Variants in LRP1B observed in about 807,000 individuals in gnomAD.
The protein encoded by LRP1B is low-density lipoprotein receptor-related protein 1B.
LRP1B carries 217 observed loss-of-function variants against 556.6 expected under a neutral mutation model. That is an observed-to-expected ratio of 0.39 (90% CI 0.35 to 0.44). LRP1B has a LOEUF of 0.44. Ranked by LOEUF, LRP1B falls within the 20% of genes least tolerant of loss-of-function variation. The pLI is 1.00. For missense variants in LRP1B, 5,053 were observed against 5,620.8 expected (o/e 0.90, Z 3.23); for synonymous variants, 2,047 against 1,865.8 (o/e 1.10, Z -2.50).
chr2:141,959,718 T>C (rs978325914), intron 1 of LRP1B, among the ~76,000 whole-genome samples: 4 of 152,006 alleles, frequency 2.6e-5, no homozygotes, highest in Non-Finnish European at 4.4e-5. Flanking sequence ...ATTCATGAGA[T>C]ATTTTACATT....
At chr2:142,047,969 T>C (rs1166913255) in intron 1 of LRP1B, among the ~76,000 whole-genome samples, 1 of 152,070 alleles carries the variant, frequency 6.6e-6, no homozygotes, top group Non-Finnish European at 1.5e-5. Flanking sequence ...TTTTCTACTC[T>C]GAATAATCTA....
chr2:141,192,727 C>T (rs1681572817), intron 6 of LRP1B, among the ~76,000 whole-genome samples: 1 of 151,676 alleles, frequency 6.6e-6, no homozygotes. Flanking sequence ...TCAATATCAT[C>T]TGAAAGTACT....
intron 2 of LRP1B, among the ~76,000 whole-genome samples, chr2:141,567,252 T>A (rs1366543022): frequency 6.6e-6 from 1 of 151,634 alleles, no homozygotes; most frequent in African/African-American, 2.4e-5. Flanking sequence ...CAAATTGCGA[T>A]CATTTTTTTT....
At chr2:140,984,810 T>A (rs1471763775) in intron 17 of LRP1B, among the ~76,000 whole-genome samples, 1 of 152,116 alleles carries the variant, frequency 6.6e-6, no homozygotes, top group African/African-American at 2.4e-5. Flanking sequence ...TGGAGAAAAT[T>A]ATTCACTTAG....
intron 8 of LRP1B, 70 bp downstream of exon 8, chr2:141,061,981 A>C: frequency 1.8e-5 from 21 of 1,198,004 alleles, no homozygotes; most frequent in Non-Finnish European, 2.5e-5. Flanking sequence ...AATTTTCAGT[A>C]TTGCAAATTT....
chr2:140,831,030 T>C (rs1691695991), intron 31 of LRP1B, among the ~76,000 whole-genome samples: 1 of 151,812 alleles, frequency 6.6e-6, no homozygotes, highest in Non-Finnish European at 1.5e-5. Context: ...AAGAAAACAA[T>C]AAACTACTGA....
intron 41 of LRP1B, among the ~76,000 whole-genome samples, chr2:140,640,211 C>G (rs1482603438): frequency 6.8e-6 from 1 of 147,944 alleles, no homozygotes; most frequent in Non-Finnish European, 1.5e-5. Flanking sequence ...TCACTGTGGT[C>G]TCGATCTCCT....
At chr2:140,980,609 A>G (rs1696739617) in intron 18 of LRP1B, among the ~76,000 whole-genome samples, 1 of 152,178 alleles carries the variant, frequency 6.6e-6, no homozygotes, top group Non-Finnish European at 1.5e-5. Flanking sequence ...GTCTAGCACA[A>G]GAAAATTTTA....
chr2:140,598,559 G>A, intron 43 of LRP1B, 72 bp downstream of exon 43: 4 of 1,135,056 alleles, frequency 3.5e-6, no homozygotes, highest in East Asian at 2.4e-5. Context: ...TACATTTTAG[G>A]AGAGTATAAA....
At chr2:140,275,620 G>A (rs1012970976) in intron 84 of LRP1B, among the ~76,000 whole-genome samples, 1 of 151,950 alleles carries the variant, frequency 6.6e-6, no homozygotes, top group Non-Finnish European at 1.5e-5. Flanking sequence ...AACGAGTTAT[G>A]CCTCTCATGG....
At chr2:140,508,143 A>T (rs186406341) in intron 52 of LRP1B, among the ~76,000 whole-genome samples, 17 of 152,092 alleles carry the variant, frequency 1.1e-4, no homozygotes, top group African/African-American at 3.6e-4. Context: ...GTACTTGAAA[A>T]ACTTAGGTGC....
At chr2:141,936,314 C>T (rs917705925) in intron 1 of LRP1B, among the ~76,000 whole-genome samples, 11 of 151,966 alleles carry the variant, frequency 7.2e-5, no homozygotes, top group African/African-American at 1.9e-4. Flanking sequence ...AATGATATGT[C>T]TATGTAGAAA....
At chr2:141,230,562 CT>C (rs1267474490) in intron 5 of LRP1B, among the ~76,000 whole-genome samples, 5 of 152,184 alleles carry the variant, frequency 3.3e-5, no homozygotes, top group Non-Finnish European at 4.4e-5. Flanking sequence ...TTATAATGAT[CT>C]ATTAAACTCT....
chr2:141,654,197 G>C (rs1310228858), intron 2 of LRP1B, among the ~76,000 whole-genome samples: 6 of 152,224 alleles, frequency 3.9e-5, no homozygotes, highest in African/African-American at 1.4e-4. Context: ...AAGGAGAAAA[G>C]GTAAATACGT....
chr2:140,856,738 TACACACACAC>T lies in LRP1B; in HGVS notation c.4580-4965_4580-4956del, dbSNP rs57220779. Among the ~76,000 whole-genome samples, 1,414 of 148,466 alleles carry T rather than the reference TACACACACAC, an allele frequency of 9.5e-3. 13 individuals are homozygous for T. The highest frequency in any genetic ancestry group is 0.029 in the African/African-American group (1,158 of 39,822). On this transcript the variant is annotated intron_variant, in intron 27 of 90. Coordinates refer to ENST00000389484, the MANE Select transcript of LRP1B (RefSeq NM_018557.3). ...ATACGCTGGCGGGAACTAAGAGAGA[TACACACACAC>T]ACACACACACACACACACACACACA...
intron 72 of LRP1B, among the ~76,000 whole-genome samples, chr2:140,361,859 C>T (rs547098547): frequency 2.0e-5 from 3 of 151,666 alleles, no homozygotes; most frequent in African/African-American, 7.2e-5. Flanking sequence ...ATTCAAGCAT[C>T]TAATGCCTAC....
chr2:142,101,930 C>T (rs1292968114), intron 1 of LRP1B, among the ~76,000 whole-genome samples: 1 of 151,944 alleles, frequency 6.6e-6, no homozygotes, highest in African/African-American at 2.4e-5. Flanking sequence ...CTCCCATTGG[C>T]TCTGAGATAG....
chr2:141,161,564 A>T (rs888843250), intron 7 of LRP1B, among the ~76,000 whole-genome samples: 9 of 152,084 alleles, frequency 5.9e-5, no homozygotes, highest in African/African-American at 1.9e-4. Flanking sequence ...ACACTTCCAC[A>T]CCTTTGTAAA....
rs2105294168 is a variant in LRP1B at position 141,229,366 on chromosome 2, T to C, written c.667A>G (p.Lys223Glu). The C allele has an allele frequency of 6.2e-7, 1 of 1,611,454 alleles. No homozygotes were observed. The change falls in exon 6 of 91, where the codon AAA becomes GAA. Residue 223 changes from lysine to glutamate, a missense_variant. This residue lies in a region of LRP1B where 3,619 missense variants were observed against 3,931.9 expected (regional missense o/e 0.92). Transcript: ENST00000389484. ...TTGACTGAGCTTAGAGTTGCCATTTTACTTCCATTAAGATAGAAAACCTCA... is the reference window on the plus strand; with the variant it reads ...TTGACTGAGCTTAGAGTTGCCATTTCACTTCCATTAAGATAGAAAACCTCA... ...TIEVFYLNGSKMATLSSVNGN... is the reference protein window; with the variant it reads ...TIEVFYLNGSEMATLSSVNGN...
Sources: gnomAD v4.1 joint callset for allele counts (sites outside exome capture counted in the v4.1 genomes callset) on GRCh38, gnomAD v4.1.1 for gene constraint, gnomAD v4.1.1 regional missense constraint, MANE v1.5 for transcripts, NCBI Gene and HGNC (gene_info 2026-07-23, HGNC 2026-07-21) for gene names.